Variants in SPTBN2 observed in about 807,000 individuals in gnomAD.
The protein encoded by SPTBN2 is spectrin beta chain, non-erythrocytic 2.
Under a neutral mutation model 284.2 loss-of-function variants are expected in SPTBN2, and 107 were observed. The ratio of observed to expected loss-of-function variants is 0.38; its 90% CI spans 0.32 to 0.44. The LOEUF (loss-of-function observed/expected upper bound fraction) is 0.44, where lower values mean the gene tolerates loss of function less well. Among genes scored for constraint, SPTBN2 ranks in the 20% least tolerant of loss-of-function variants. The pLI, the probability that SPTBN2 is intolerant of heterozygous loss-of-function variation, is 1.00. For missense variants in SPTBN2, 2,569 were observed against 3,287.1 expected (o/e 0.78, Z 5.34); for synonymous variants, 1,289 against 1,354.8 (o/e 0.95, Z 1.07).
rs745814183 is a variant in SPTBN2, at chr11:66,687,944, G to A, written c.6451-26C>T. 6.2e-7 allele frequency: 1 copy of A among 1,614,230 alleles called. No individual in the cohort carries two copies. The highest frequency in any genetic ancestry group is 8.5e-7 in the Non-Finnish European group (1 of 1,180,048). Reference sequence around the variant, plus strand: ...CTGCAAGGACAAGAATCTGTAAAAGGATGTGCGGGGGTGGAGGGGCTACGA... The same window carrying A: ...CTGCAAGGACAAGAATCTGTAAAAGAATGTGCGGGGGTGGAGGGGCTACGA... On this transcript the variant is annotated intron_variant, in intron 33 of 37. Coordinates refer to ENST00000533211, the MANE Select transcript of SPTBN2 (RefSeq NM_006946.4). This position sits in a 1 kb window ranked among gnomAD's most constrained non-coding sequence, Gnocchi z 5.2.
rs1169678860 is a variant in SPTBN2, at chr11:66,691,208, C to T, written c.5565+76G>A. 2.0e-6 allele frequency: 3 copies of T among 1,487,434 alleles called. No homozygotes were observed. The African/African-American group carries it at 4.2e-5, about 21-fold the overall frequency. 92.1% of individuals were successfully genotyped at this position (1,487,434 alleles called of 1,614,324 possible). A position where few individuals can be genotyped will look rare whatever the true frequency, so the allele number is the denominator to read the frequency against. ...CCAGCATTTCTGAGCTCTACCCTAG[C>T]TCCTGGGAACTCTCCCCGGCATTTC... On this transcript the variant is annotated intron_variant, in intron 27 of 37. Transcript: ENST00000533211. The surrounding 1 kb of genome is among the most constrained non-coding windows in gnomAD (Gnocchi z 8.0).
In SPTBN2 at chr11:66,688,144, C is replaced by T. The variant is rs753719620; in HGVS notation, c.6374+25G>A. On this transcript the variant is annotated intron_variant, in intron 32 of 37. Coordinates refer to ENST00000533211, the MANE Select transcript of SPTBN2 (RefSeq NM_006946.4). The stretch of plus-strand genomic sequence containing the variant: ...GGTGGCCTGGGCTCAGCCGCCTCCT[C>T]CTACCCAGGCATCCTGGCTCTCACC... 4 of 1,613,526 alleles carry T rather than the reference C, an allele frequency of 2.5e-6. No individual in the cohort carries two copies. In the East Asian group the frequency reaches 8.9e-5, roughly 36 times the overall value.
At chr11:66,702,264 T>A (rs942406994) in intron 15 of SPTBN2, among the ~76,000 whole-genome samples, 2 of 152,162 alleles carry the variant, frequency 1.3e-5, no homozygotes, top group Non-Finnish European at 2.9e-5. Flanking sequence ...CCTCCCGGGT[T>A]CAAGCAATTT....
chr11:66,743,485 T>C (rs533986557), intron 1 of SPTBN2, among the ~76,000 whole-genome samples: 1 of 152,310 alleles, frequency 6.6e-6, no homozygotes, highest in South Asian at 2.1e-4. Context: ...TGTCCCACCC[T>C]TCTCCTTGGG....
At position 66,708,092 on chromosome 11, in the gene SPTBN2, C is replaced by T. The variant is rs969488929; in HGVS notation, c.1350+49G>A. On this transcript the variant is annotated intron_variant, in intron 12 of 37. Coordinates refer to ENST00000533211, the MANE Select transcript of SPTBN2 (RefSeq NM_006946.4). This position sits in a 1 kb window ranked among gnomAD's most constrained non-coding sequence, Gnocchi z 4.4. ...GCGGGGCTTCTTATCCACCCTGTCT[C>T]TCTCCCAGTTCTGACCAGCCTAAGC... 1 of 1,610,710 alleles carries T rather than the reference C, an allele frequency of 6.2e-7. No individual in the cohort carries two copies. The highest frequency in any genetic ancestry group is 8.5e-7 in the Non-Finnish European group (1 of 1,178,126).
At chr11:66,728,010 T>G (rs1942689334) in intron 1 of SPTBN2, 1 of 141,306 alleles carries the variant, frequency 7.1e-6, no homozygotes, top group African/African-American at 2.7e-5. Flanking sequence ...CGGGACCCTC[T>G]CCGTCCCGTC....
rs552789522 is a variant in SPTBN2 at position 66,715,793 on chromosome 11, T to C, written c.309+37A>G. On this transcript the variant is annotated intron_variant, in intron 4 of 37. Transcript: ENST00000533211. The surrounding 1 kb of genome is among the most constrained non-coding windows in gnomAD (Gnocchi z 5.3). Reference sequence around the variant, plus strand: ...CAGCTGGTCCCCTTGGACACTTTTCTAAGGCCCCCCCACTTCCCTTCATGA... The same window carrying C: ...CAGCTGGTCCCCTTGGACACTTTTCCAAGGCCCCCCCACTTCCCTTCATGA... 6.2e-7 allele frequency: 1 copy of C among 1,611,622 alleles called. No homozygotes were observed. The highest frequency in any genetic ancestry group is 1.3e-5 in the African/African-American group (1 of 74,968).
At position 66,722,317 on chromosome 11, in the gene SPTBN2, G is replaced by A. The variant is rs561285934; in HGVS notation, c.-113-877C>T. The stretch of plus-strand genomic sequence containing the variant: ...TGGCTGGGCGCGGTGTCTCACGCCT[G>A]TAATCCCAGCACTTTGGGAGGCCAA... On this transcript the variant is annotated intron_variant, in intron 1 of 37. Transcript: ENST00000533211. Among the ~76,000 whole-genome samples the A allele has an allele frequency of 1.1e-4, 17 of 152,288 alleles. No individual in the cohort carries two copies. The South Asian group carries it at 3.1e-3, about 28-fold the overall frequency.
intron 31 of SPTBN2, 84 bp from the exon 32 acceptor site, chr11:66,688,395 C>CT (rs1352263877): frequency 1.7e-5 from 26 of 1,542,406 alleles, no homozygotes; most frequent in Middle Eastern, 2.1e-4. Flanking sequence ...TGTCTCAACT[C>CT]TAATTTGATG....
chr11:66,705,923 C>A, intron 13 of SPTBN2, 86 bp from the exon 14 acceptor site: 1 of 1,537,918 alleles, frequency 6.5e-7, no homozygotes, highest in Non-Finnish European at 8.8e-7. Context: ...TCTCCACGGC[C>A]CCAGGTGTTG....
intron 8 of SPTBN2, 33 bp from the exon 9 acceptor site, chr11:66,711,062 C>A: frequency 6.3e-7 from 1 of 1,581,338 alleles, no homozygotes; most frequent in South Asian, 1.1e-5. Context: ...TCAGGCCTCC[C>A]AGAAGTTCAT....
At position 66,686,039 on chromosome 11, in the gene SPTBN2, T is replaced by C. The variant is rs1433448200; in HGVS notation, c.7005A>G (p.Gly2335=). The part of the protein sequence containing the change: ...AAIATASSAS[G]EPEEPVVPST... ...TGGGCACCACCGGCTCTTCAGGCTC[T>C]CCAGAGGCAGAAGACGCTGTGGCAA... The change falls in exon 38 of 38, where the codon GGA becomes GGG. Residue 2335 remains glycine, a synonymous_variant. Coordinates refer to ENST00000533211, the MANE Select transcript of SPTBN2 (RefSeq NM_006946.4). 6.2e-7 allele frequency: 1 copy of C among 1,613,656 alleles called. No homozygotes were observed. The highest frequency in any genetic ancestry group is 2.2e-5 in the East Asian group (1 of 44,874).
rs368352289 is a variant in SPTBN2 at position 66,700,741 on chromosome 11, C to T, written c.3358G>A (p.Glu1120Lys). Reference protein sequence around the residue: ...LRGEVERAQSEYSRLRALGEE... With the variant: ...LRGEVERAQSKYSRLRALGEE... ...CCCAGGGCTCGCAGCCGGCTATACT[C>T]GCTCTGGGCCCGCTCCACCTCTCCC... The change falls in exon 17 of 38, where the codon GAG (glutamate) becomes AAG (lysine). Residue 1120 changes from glutamate to lysine, a missense_variant. Physicochemically the swap from Glu to Lys is moderately conservative, Grantham distance 56. This residue lies in a region of SPTBN2 where 1,012 missense variants were observed against 1,248.9 expected (regional missense o/e 0.81). Transcript: ENST00000533211. The surrounding 1 kb of genome is among the most constrained non-coding windows in gnomAD (Gnocchi z 6.6). The T allele has an allele frequency of 3.4e-5, 54 of 1,602,934 alleles. No individual in the cohort carries two copies. Among genetic ancestry groups the T allele is most frequent in the South Asian group, 1.6e-4 (15 of 91,044 alleles).
chr11:66,741,890 T>G (rs751634355), intron 1 of SPTBN2, among the ~76,000 whole-genome samples: 1 of 152,104 alleles, frequency 6.6e-6, no homozygotes, highest in African/African-American at 2.4e-5. Flanking sequence ...GGCATAATCA[T>G]AGCTCACCGC....
At chr11:66,703,728 C>G (rs758581636) in intron 15 of SPTBN2, among the ~76,000 whole-genome samples, 9 of 151,180 alleles carry the variant, frequency 6.0e-5, no homozygotes, top group Non-Finnish European at 1.3e-4. Flanking sequence ...CAGAGTGAGA[C>G]TCCATCTCAA....
rs1342339292 is a variant in SPTBN2, at chr11:66,700,134, C to T, written c.3573+392G>A. Among the ~76,000 whole-genome samples, 1 of 150,584 alleles carries T rather than the reference C, an allele frequency of 6.6e-6. No individual in the cohort carries two copies. Among genetic ancestry groups the T allele is most frequent in the African/African-American group, 2.4e-5 (1 of 40,938 alleles). ...CCATGTCCAGTTAATTTTTTTTTTTCATAGAGATGGGGGTCTCACTATGTT... is the reference window on the plus strand; with the variant it reads ...CCATGTCCAGTTAATTTTTTTTTTTTATAGAGATGGGGGTCTCACTATGTT... On this transcript the variant is annotated intron_variant, in intron 17 of 37. Transcript: ENST00000533211. This position sits in a 1 kb window ranked among gnomAD's most constrained non-coding sequence, Gnocchi z 6.6.
Position 66,685,989 on chromosome 11 carries a change from G to T in SPTBN2, c.7055C>A (p.Ala2352Asp). 3.1e-6 allele frequency: 5 copies of T among 1,613,730 alleles called. No homozygotes were observed. Among genetic ancestry groups the T allele is most frequent in the Non-Finnish European group, 4.2e-6 (5 of 1,179,968 alleles). ...VPSTTRGMTR[A>D]MTMPPVSPVG... Reference sequence around the variant, plus strand: ...GGGTGACACTGGGGGCATGGTCATGGCCCGGGTCATGCCCCGGGTGGTGCT... The same window carrying T: ...GGGTGACACTGGGGGCATGGTCATGTCCCGGGTCATGCCCCGGGTGGTGCT... The change falls in exon 38 of 38, where the codon GCC becomes GAC. Residue 2352 changes from alanine (A) to aspartate (D), a missense_variant. Ala to Asp is a moderately radical substitution (Grantham distance 126). Coordinates refer to ENST00000533211, the MANE Select transcript of SPTBN2 (RefSeq NM_006946.4). This position sits in a 1 kb window ranked among gnomAD's most constrained non-coding sequence, Gnocchi z 4.4.
intron 8 of SPTBN2, among the ~76,000 whole-genome samples, 164 bp downstream of exon 8, chr11:66,713,467 C>A (rs1941984205): frequency 6.6e-6 from 1 of 151,992 alleles, no homozygotes; most frequent in Non-Finnish European, 1.5e-5. Context: ...GGTTGTGTAA[C>A]CATCACCACT....
At chr11:66,699,199 G>C in intron 18 of SPTBN2, 117 bp from the exon 19 acceptor site, 3 of 1,381,724 alleles carry the variant, frequency 2.2e-6, no homozygotes, top group Non-Finnish European at 2.0e-6. Flanking sequence ...GGAGCACAAT[G>C]AGGCTACCCA....
Sources: allele counts gnomAD v4.1 joint callset (sites outside exome capture counted in the v4.1 genomes callset), GRCh38; gene constraint gnomAD v4.1.1; regional missense constraint gnomAD v4.1.1; non-coding constraint Gnocchi (gnomAD v3.1); transcripts MANE v1.5; gene names NCBI Gene and HGNC (gene_info 2026-07-23, HGNC 2026-07-21).